Variants in DIAPH2 observed in about 807,000 individuals in gnomAD.
DIAPH2 encodes the protein diaphanous related formin 2, also known as protein diaphanous homolog 2.
DIAPH2 carries 35 observed loss-of-function variants against 92.7 expected under a neutral mutation model. The ratio of observed to expected loss-of-function variants is 0.38; its 90% CI spans 0.29 to 0.50. The LOEUF (loss-of-function observed/expected upper bound fraction) is 0.50. Among genes scored for constraint, DIAPH2 ranks in the 20% least tolerant of loss-of-function variants. The pLI is 0.94. For synonymous variants in DIAPH2, 301 were observed against 280.4 expected (o/e 1.07, Z -0.73); for missense variants, 701 against 819.5 (o/e 0.86, Z 1.77).
intron 17 of DIAPH2, among the ~76,000 whole-genome samples, chrX:97,047,869 A>T (rs903484624): frequency 9.1e-6 from 1 of 110,324 alleles, no homozygotes; most frequent in Non-Finnish European, 1.9e-5. Flanking sequence ...TATGTGGTAT[A>T]TATCTCTGTA....
chrX:97,305,525 TAAC>T (rs1024590661), intron 23 of DIAPH2, among the ~76,000 whole-genome samples: 12 of 88,316 alleles, frequency 1.4e-4, no homozygotes, highest in African/African-American at 5.2e-4. Flanking sequence ...AAAACAACAA[TAAC>T]AACAAAATTG....
chrX:97,473,386 G>A (rs887210042), intron 26 of DIAPH2, among the ~76,000 whole-genome samples: 1 of 111,409 alleles, frequency 9.0e-6, no homozygotes, highest in Non-Finnish European at 1.9e-5. Context: ...CCAGGCTGGA[G>A]TGCAATGGCG....
chrX:96,872,022 G>T (rs2065146671), intron 4 of DIAPH2, among the ~76,000 whole-genome samples: 1 of 112,082 alleles, frequency 8.9e-6, no homozygotes, highest in South Asian at 3.7e-4. Flanking sequence ...TCATGTAAAT[G>T]ACATTCCTTT....
chrX:97,463,459 C>T (rs2070478478), intron 26 of DIAPH2, among the ~76,000 whole-genome samples: 1 of 109,589 alleles, frequency 9.1e-6, no homozygotes, highest in Non-Finnish European at 1.9e-5. Context: ...GAGGTGATCT[C>T]GGCTCACTGC....
chrX:97,144,937 G>A (rs1159510496), intron 22 of DIAPH2, among the ~76,000 whole-genome samples: 1 of 110,850 alleles, frequency 9.0e-6, no homozygotes, highest in Non-Finnish European at 1.9e-5. Context: ...GCTAATTTTT[G>A]TACTTTTTTA....
intron 16 of DIAPH2, among the ~76,000 whole-genome samples, chrX:96,962,492 CACACATATAT>C (rs1297186266): frequency 1.0e-4 from 2 of 19,549 alleles, no homozygotes; most frequent in Non-Finnish European, 2.1e-4. Context: ...CACACACACA[CACACATATAT>C]ATATATATAT....
rs751305324 is a variant in DIAPH2, at chrX:96,758,201, A to G, written c.390A>G (p.Lys130=). 6.6e-6 allele frequency: 8 copies of G among 1,206,460 alleles called. No homozygotes were observed. The highest frequency in any genetic ancestry group is 7.8e-6 in the Non-Finnish European group (7 of 893,507). ...NEEKKAPLRN[K]DFTTKREMVV... ...AGAAAAAAGCTCCTTTACGAAACAA[A>G]GACTTTACCACCAAACGTGAGATGG... The change falls in exon 4 of 27, where the codon AAA becomes AAG. Residue 130 remains lysine (K), a synonymous_variant. Transcript: ENST00000324765.
chrX:97,417,578 G>A (rs1410293487), intron 25 of DIAPH2, among the ~76,000 whole-genome samples: 2 of 111,767 alleles, frequency 1.8e-5, no homozygotes, highest in African/African-American at 6.5e-5. Context: ...GGGAGGCTGA[G>A]GCAGGAGAAT....
At chrX:97,416,341 A>C (rs969082030) in intron 25 of DIAPH2, among the ~76,000 whole-genome samples, 1 of 111,918 alleles carries the variant, frequency 8.9e-6, no homozygotes, top group Admixed American at 9.5e-5. Context: ...ATCCTCCACT[A>C]CTTTCACATT....
At chrX:96,813,450 A>G (rs1434249619) in intron 4 of DIAPH2, among the ~76,000 whole-genome samples, 1 of 110,614 alleles carries the variant, frequency 9.0e-6, no homozygotes, top group African/African-American at 3.3e-5. Context: ...TGAATACAGC[A>G]CACTGATGGG....
intron 4 of DIAPH2, among the ~76,000 whole-genome samples, chrX:96,783,209 A>G (rs897692213): frequency 2.7e-5 from 3 of 111,640 alleles, no homozygotes; most frequent in Non-Finnish European, 5.6e-5. Flanking sequence ...GAGGGAGGGG[A>G]AGAAAAAAGG....
chrX:96,777,125 T>A (rs969682129), intron 4 of DIAPH2, among the ~76,000 whole-genome samples: 2 of 111,951 alleles, frequency 1.8e-5, no homozygotes, highest in African/African-American at 6.5e-5. Context: ...CTTCATTTAA[T>A]TATAGTCTGG....
chrX:96,745,105 G>C (rs6620147), intron 3 of DIAPH2, among the ~76,000 whole-genome samples: 21,094 of 107,364 alleles, frequency 0.2, 1,609 homozygotes, highest in East Asian at 0.32. Context: ...CTCCTGGGTT[G>C]AAGCGATTCT....
intron 4 of DIAPH2, among the ~76,000 whole-genome samples, chrX:96,773,108 CTG>C (rs1210845824): frequency 1.8e-5 from 2 of 111,137 alleles, no homozygotes; most frequent in Non-Finnish European, 3.8e-5. Context: ...TAGGTTGCCT[CTG>C]TGTTAGAAAG....
At chrX:97,254,902 C>T (rs2068223655) in intron 23 of DIAPH2, among the ~76,000 whole-genome samples, 1 of 109,624 alleles carries the variant, frequency 9.1e-6, no homozygotes, top group African/African-American at 3.3e-5. Context: ...GACGGGGTTT[C>T]ACCATATTGG....
chrX:97,540,416 G>C (rs2071130953), intron 26 of DIAPH2, among the ~76,000 whole-genome samples: 1 of 111,895 alleles, frequency 8.9e-6, no homozygotes, highest in African/African-American at 3.2e-5. Context: ...CGCAGGAGCT[G>C]AGAAAATATG....
intron 1 of DIAPH2, among the ~76,000 whole-genome samples, chrX:96,685,933 C>T (rs1569365372): frequency 8.9e-6 from 1 of 112,024 alleles, no homozygotes; most frequent in East Asian, 2.8e-4. Context: ...TAGTGTGAAC[C>T]GATGGTAGCA....
intron 25 of DIAPH2, among the ~76,000 whole-genome samples, chrX:97,412,941 A>G (rs2069894306): frequency 8.9e-6 from 1 of 111,959 alleles, no homozygotes; most frequent in East Asian, 2.8e-4. Context: ...AAAGTCCAGG[A>G]CCAGACGGAT....
In DIAPH2 at chrX:97,041,308, C is replaced by G. The variant is rs1294330176; in HGVS notation, c.2051-31633C>G. On this transcript the variant is annotated intron_variant, in intron 17 of 26. Coordinates refer to ENST00000324765, the MANE Select transcript of DIAPH2 (RefSeq NM_006729.5). ...GAATGGTATGATAATCAGAATGGTA[C>G]TGATTACTGGCTTAAAATTTCTACT... Among the ~76,000 whole-genome samples the G allele has an allele frequency of 4.5e-5, 5 of 111,401 alleles. No individual in the cohort carries two copies. In the Admixed American group the frequency reaches 4.8e-4, roughly 11 times the overall value.
Sources: gnomAD v4.1 joint callset for allele counts (sites outside exome capture counted in the v4.1 genomes callset) on GRCh38, gnomAD v4.1.1 for gene constraint, MANE v1.5 for transcripts, NCBI Gene and HGNC (gene_info 2026-07-23, HGNC 2026-07-21) for gene names.